Variants in PCCA observed in about 807,000 individuals in gnomAD.
PCCA encodes propionyl-CoA carboxylase subunit alpha, also known as propionyl-CoA carboxylase alpha chain, mitochondrial.
PCCA carries 74 observed loss-of-function variants against 101.3 expected under a neutral mutation model. The observed-to-expected ratio is 0.73, with a 90% CI of 0.61 to 0.89. The LOEUF is 0.89. Ranked by LOEUF, PCCA falls within the 40% of genes least tolerant of loss-of-function variation. The pLI is 0.00. For synonymous variants in PCCA, 294 were observed against 313.6 expected (o/e 0.94, Z 0.66); for missense variants, 891 against 907.0 (o/e 0.98, Z 0.23).
intron 18 of PCCA, among the ~76,000 whole-genome samples, chr13:100,342,942 G>A (rs562040105): frequency 4.6e-5 from 7 of 151,978 alleles, no homozygotes; most frequent in Admixed American, 3.9e-4. Flanking sequence ...GGCTAGTCTC[G>A]AACTCCTGGG....
At chr13:100,119,242 A>G (rs1392699742) in intron 4 of PCCA, among the ~76,000 whole-genome samples, 1 of 152,132 alleles carries the variant, frequency 6.6e-6, no homozygotes, top group African/African-American at 2.4e-5. Flanking sequence ...TAATTTAAAG[A>G]ATCTATCATA....
intron 19 of PCCA, among the ~76,000 whole-genome samples, chr13:100,392,462 A>C (rs910004647): frequency 6.6e-6 from 1 of 152,184 alleles, no homozygotes; most frequent in Admixed American, 6.5e-5. Context: ...TAAATTTAGC[A>C]CCTAGGAAAT....
In PCCA at chr13:100,442,139, G is replaced by A. The variant is rs143155485; in HGVS notation, c.1846-7113G>A. On this transcript the variant is annotated intron_variant, in intron 20 of 23. Coordinates refer to ENST00000376285, the MANE Select transcript of PCCA (RefSeq NM_000282.4). ...CTCCTGAGTGGCTGGGATTACAGGCGCGTGCCACCATGCCCGGCCAATTTT... is the reference window on the plus strand; with the variant it reads ...CTCCTGAGTGGCTGGGATTACAGGCACGTGCCACCATGCCCGGCCAATTTT... Among the ~76,000 whole-genome samples, 23 of 152,038 alleles carry A rather than the reference G, an allele frequency of 1.5e-4. No homozygotes were observed. In the East Asian group the frequency reaches 3.3e-3, roughly 22 times the overall value.
chr13:100,390,408 G>T (rs1285102315), intron 19 of PCCA, among the ~76,000 whole-genome samples: 1 of 152,200 alleles, frequency 6.6e-6, no homozygotes, highest in Non-Finnish European at 1.5e-5. Context: ...TTGCATGTGA[G>T]GTTCTGTGGC....
intron 18 of PCCA, among the ~76,000 whole-genome samples, chr13:100,340,755 C>A (rs1252831207): frequency 6.6e-6 from 1 of 152,126 alleles, no homozygotes; most frequent in East Asian, 1.9e-4. Flanking sequence ...TGCTTTATAT[C>A]AGGGTAAGTA....
In PCCA at chr13:100,469,211, C is replaced by CAAAAAAAAAAAAAAAAA. The variant is rs534361898; in HGVS notation, c.1899+19922_1899+19923insAAAAAAAAAAAAAAAAA. On this transcript the variant is annotated intron_variant, in intron 21 of 23. Coordinates refer to ENST00000376285, the MANE Select transcript of PCCA (RefSeq NM_000282.4). ...GGGCAACAAGAGTGAAACTCCGTCT[C>CAAAAAAAAAAAAAAAAA]AAAAAAAAAAAAAAAAGAATCCCTT... Among the ~76,000 whole-genome samples the CAAAAAAAAAAAAAAAAA allele has an allele frequency of 8.3e-4, 54 of 65,024 alleles. 3 individuals are homozygous for CAAAAAAAAAAAAAAAAA. The highest frequency in any genetic ancestry group is 1.8e-3 in the African/African-American group (31 of 17,562). 42.7% of individuals were successfully genotyped at this position (65,024 alleles called of 152,430 possible).
At chr13:100,091,950 C>G (rs2046318381) in intron 1 of PCCA, among the ~76,000 whole-genome samples, 1 of 151,760 alleles carries the variant, frequency 6.6e-6, no homozygotes, top group Non-Finnish European at 1.5e-5. Flanking sequence ...GAGATGGGGT[C>G]TCGCTCTGTT....
chr13:100,488,153 G>T (rs563934848), intron 21 of PCCA, among the ~76,000 whole-genome samples: 433 of 152,254 alleles, frequency 2.8e-3, no homozygotes, highest in African/African-American at 9.5e-3. Context: ...GAGTGCAATG[G>T]CACAATCTCG....
intron 19 of PCCA, among the ~76,000 whole-genome samples, chr13:100,414,928 T>G (rs1375619653): frequency 6.6e-6 from 1 of 152,170 alleles, no homozygotes; most frequent in African/African-American, 2.4e-5. Context: ...TATCTTCATA[T>G]TTAGATTACA....
At chr13:100,291,454 A>G (rs1035494636) in intron 12 of PCCA, among the ~76,000 whole-genome samples, 1 of 152,232 alleles carries the variant, frequency 6.6e-6, no homozygotes, top group South Asian at 2.1e-4. Flanking sequence ...ACATATGTGC[A>G]TTGCTACTTC....
intron 4 of PCCA, among the ~76,000 whole-genome samples, chr13:100,121,280 C>T (rs1287090971): frequency 2.7e-5 from 4 of 150,768 alleles, no homozygotes; most frequent in Non-Finnish European, 5.9e-5. Context: ...GCCTCAGCCT[C>T]CTGCGTAGCT....
chr13:100,411,989 C>T (rs1165505182), intron 19 of PCCA, among the ~76,000 whole-genome samples: 1 of 152,068 alleles, frequency 6.6e-6, no homozygotes, highest in African/African-American at 2.4e-5. Flanking sequence ...GAGAGAGACA[C>T]CAAAGAGACA....
At chr13:100,179,076 CAAA>C (rs57393133) in intron 6 of PCCA, among the ~76,000 whole-genome samples, 1,443 of 135,148 alleles carry the variant, frequency 0.011, 19 homozygotes, top group African/African-American at 0.023. Context: ...GACTCCTTCT[CAAA>C]AAAAAAAAAA....
chr13:100,489,201 G>A (rs868392912), intron 21 of PCCA, among the ~76,000 whole-genome samples: 21 of 152,104 alleles, frequency 1.4e-4, no homozygotes, highest in Admixed American at 2.6e-4. Flanking sequence ...CCAGCTACTC[G>A]GGAGGCTGAG....
intron 21 of PCCA, among the ~76,000 whole-genome samples, chr13:100,462,570 A>T (rs1444621198): frequency 6.6e-6 from 1 of 152,208 alleles, no homozygotes; most frequent in Non-Finnish European, 1.5e-5. Context: ...TCTTTTATTG[A>T]TAAACAGTAC....
intron 6 of PCCA, among the ~76,000 whole-genome samples, chr13:100,164,370 A>G (rs900940593): frequency 2.0e-5 from 3 of 152,184 alleles, no homozygotes; most frequent in African/African-American, 7.2e-5. Context: ...GGAGAGTGGC[A>G]GTGGTAGTTT....
chr13:100,468,229 C>G (rs2082691776), intron 21 of PCCA, among the ~76,000 whole-genome samples: 1 of 152,108 alleles, frequency 6.6e-6, no homozygotes. Flanking sequence ...TTTTTGCGTC[C>G]TAGAGTACAG....
chr13:100,311,480 A>G (rs2066909922), intron 16 of PCCA, among the ~76,000 whole-genome samples: 1 of 151,966 alleles, frequency 6.6e-6, no homozygotes, highest in Non-Finnish European at 1.5e-5. Context: ...CATATATTTA[A>G]GAATCAAGGC....
At chr13:100,212,704 A>G (rs1158871634) in intron 7 of PCCA, among the ~76,000 whole-genome samples, 1 of 152,134 alleles carries the variant, frequency 6.6e-6, no homozygotes, top group Non-Finnish European at 1.5e-5. Context: ...TCAAGTATTT[A>G]TAATGTCTTT....
Sources: allele counts gnomAD v4.1 joint callset (sites outside exome capture counted in the v4.1 genomes callset), GRCh38; gene constraint gnomAD v4.1.1; transcripts MANE v1.5; gene names NCBI Gene and HGNC (gene_info 2026-07-23, HGNC 2026-07-21).